DNAH7: variants seen among roughly 807,000 people sequenced by gnomAD.
DNAH7 encodes the protein axonemal beta dynein heavy chain 7.
In DNAH7, 397 loss-of-function variants were observed where a neutral mutation model predicts 444.6. That is an observed-to-expected ratio of 0.89 (90% CI 0.82 to 0.97). DNAH7 has a LOEUF of 0.97. Ranked by LOEUF, DNAH7 falls within the 50% of genes least tolerant of loss-of-function variation. DNAH7 has a pLI of 0.00. For synonymous variants in DNAH7, 1,636 were observed against 1,624.4 expected (o/e 1.01, Z -0.17); for missense variants, 4,902 against 4,800.8 (o/e 1.02, Z -0.62).
At chr2:195,947,222 C>T (rs2125460049) in intron 19 of DNAH7, among the ~76,000 whole-genome samples, 1 of 151,128 alleles carries the variant, frequency 6.6e-6, no homozygotes, top group Admixed American at 6.6e-5. Flanking sequence ...GTCTCGAACT[C>T]CTGACCTCAG....
At chr2:195,996,129 C>A (rs1693679395) in intron 12 of DNAH7, among the ~76,000 whole-genome samples, 1 of 151,918 alleles carries the variant, frequency 6.6e-6, no homozygotes, top group Non-Finnish European at 1.5e-5. Flanking sequence ...AATGTCATAT[C>A]ATCATAATCT....
intron 58 of DNAH7, among the ~76,000 whole-genome samples, chr2:195,779,122 C>T (rs1326125814): frequency 6.6e-6 from 1 of 152,174 alleles, no homozygotes; most frequent in Admixed American, 6.5e-5. Context: ...GGATTACAGG[C>T]GTGACGTACC....
chr2:195,864,590 G>T lies in DNAH7; in HGVS notation c.7065C>A (p.Ala2355=). ...SGRQSVTRLA[A]HMADYSVFQV... is the part of the protein sequence containing the mutation. ...GGAAAACTGAATAATCAGCCATGTG[G>T]GCAGCTAATCTGGTGACAGACTGCC... The change falls in exon 41 of 65, where the codon GCC becomes GCA. Residue 2355 remains alanine (A), a synonymous_variant. Coordinates refer to ENST00000312428, the MANE Select transcript of DNAH7 (RefSeq NM_018897.3). 6.2e-7 allele frequency: 1 copy of T among 1,614,082 alleles called. No individual in the cohort carries two copies. Among genetic ancestry groups the T allele is most frequent in the East Asian group, 2.2e-5 (1 of 44,882 alleles).
In DNAH7 at chr2:195,870,096, G is replaced by T. The variant is rs138454803; in HGVS notation, c.6633+2154C>A. Among the ~76,000 whole-genome samples the T allele has an allele frequency of 7.9e-3, 1,202 of 152,326 alleles. 18 individuals carry two copies. The highest frequency in any genetic ancestry group is 0.027 in the African/African-American group (1,118 of 41,580). On this transcript the variant is annotated intron_variant, in intron 40 of 64. Coordinates refer to ENST00000312428, the MANE Select transcript of DNAH7 (RefSeq NM_018897.3). ...TCTCAAGTGACAGAACATGTCATGT[G>T]TAGCAAGCCTGCCTGCCTTCCTCTC... is the stretch of plus-strand genomic sequence containing the variant.
intron 33 of DNAH7, 43 bp from the exon 34 acceptor site, chr2:195,886,315 G>T (rs1465761221): frequency 6.4e-7 from 1 of 1,563,260 alleles, no homozygotes; most frequent in African/African-American, 1.4e-5. Context: ...TTTAAATTAG[G>T]TAATAGCTAA....
chr2:195,874,161 C>T (rs1700887397), intron 38 of DNAH7, among the ~76,000 whole-genome samples: 1 of 152,158 alleles, frequency 6.6e-6, no homozygotes, highest in African/African-American at 2.4e-5. Context: ...AATTCTTCCC[C>T]CACATCTTGA....
At chr2:195,828,394 C>T (rs1439006431) in intron 48 of DNAH7, among the ~76,000 whole-genome samples, 1 of 151,902 alleles carries the variant, frequency 6.6e-6, no homozygotes, top group Non-Finnish European at 1.5e-5. Flanking sequence ...ACCATCCTGG[C>T]TAACACAGTG....
At chr2:196,035,181 CA>C (rs899973130) in intron 5 of DNAH7, among the ~76,000 whole-genome samples, 34 of 149,494 alleles carry the variant, frequency 2.3e-4, no homozygotes, top group Non-Finnish European at 3.6e-4. Context: ...GACTCCATCT[CA>C]AAAAAAAACC....
At chr2:196,048,548 T>A in intron 3 of DNAH7, 144 bp from the exon 4 acceptor site, 1 of 674,956 alleles carries the variant, frequency 1.5e-6, no homozygotes. Flanking sequence ...GTAGATCTTA[T>A]TCAAGCCTGT....
At position 196,001,860 on chromosome 2, in the gene DNAH7, T is replaced by C; in HGVS notation, c.990-2A>G. ...ATATTCTGCACTTCTGGAAACCACC[T>C]TGAAAGAACAAAAGACTTTTAAAAG... is the stretch of plus-strand genomic sequence containing the variant. On this transcript the variant is annotated splice_acceptor_variant, in intron 10 of 64. Coordinates refer to ENST00000312428, the MANE Select transcript of DNAH7 (RefSeq NM_018897.3). LOFTEE classifies it high-confidence loss of function. 1 of 1,596,710 alleles carries C rather than the reference T, an allele frequency of 6.3e-7. No individual in the cohort carries two copies. The highest frequency in any genetic ancestry group is 8.5e-7 in the Non-Finnish European group (1 of 1,173,502).
intron 17 of DNAH7, among the ~76,000 whole-genome samples, chr2:195,966,445 G>A (rs1352614844): frequency 6.6e-6 from 1 of 152,110 alleles, no homozygotes; most frequent in Non-Finnish European, 1.5e-5. Context: ...GAAATGTTCT[G>A]TAAATATTTA....
At chr2:195,933,720 A>AG (rs1313677272) in intron 21 of DNAH7, among the ~76,000 whole-genome samples, 1 of 123,246 alleles carries the variant, frequency 8.1e-6, no homozygotes, top group Non-Finnish European at 1.6e-5. Flanking sequence ...GGACACAGGA[A>AG]GGGGAACATC....
intron 1 of DNAH7, among the ~76,000 whole-genome samples, chr2:196,064,573 T>C (rs1033917687): frequency 1.3e-5 from 2 of 152,200 alleles, no homozygotes; most frequent in South Asian, 2.1e-4. Context: ...TTTGCCATCC[T>C]GGAATTTTGT....
chr2:195,827,928 G>A (rs1053301207), intron 48 of DNAH7, among the ~76,000 whole-genome samples: 7 of 151,984 alleles, frequency 4.6e-5, no homozygotes, highest in Admixed American at 2.0e-4. Context: ...TTAACTTTTT[G>A]TTGTAGAAAT....
intron 45 of DNAH7, 115 bp downstream of exon 45, chr2:195,855,693 AGTT>A: frequency 1.8e-6 from 2 of 1,095,652 alleles, no homozygotes; most frequent in Non-Finnish European, 2.6e-6. Context: ...TGCGGGTCAT[AGTT>A]TGCCAATCCC....
intron 63 of DNAH7, among the ~76,000 whole-genome samples, chr2:195,743,438 T>A (rs779351247): frequency 6.6e-6 from 1 of 151,328 alleles, no homozygotes; most frequent in African/African-American, 2.4e-5. Context: ...TCAGCAGCAC[T>A]GTAGCCTTTA....
At chr2:195,834,756 A>G (rs1290892048) in intron 47 of DNAH7, among the ~76,000 whole-genome samples, 2 of 152,222 alleles carry the variant, frequency 1.3e-5, no homozygotes, top group Non-Finnish European at 2.9e-5. Flanking sequence ...ACCTTGAGTA[A>G]GTCACTTTGC....
In DNAH7 at chr2:196,048,343, T is replaced by A; in HGVS notation, c.203A>T (p.Asp68Val). 1 of 1,614,086 alleles carries A rather than the reference T, an allele frequency of 6.2e-7. No individual in the cohort carries two copies. Residue 68 changes from aspartate to valine, a missense_variant, in exon 4 of 65, where the codon GAT becomes GTT. By Grantham distance (152) the Asp-to-Val change is radical. Transcript: ENST00000312428. ...APSFHLSVKQ[D>V]DESPEPFSVK... is the part of the protein sequence containing the mutation. ...ACTAAATGGTTCTGGACTCTCATCA[T>A]CCTGCTTTACACTCAAATGGAATGA...
In DNAH7 at chr2:195,824,422, C is replaced by G; in HGVS notation, c.9124G>C (p.Glu3042Gln). 1.2e-6 allele frequency: 2 copies of G among 1,605,322 alleles called. No individual in the cohort carries two copies. The highest frequency in any genetic ancestry group is 1.7e-6 in the Non-Finnish European group (2 of 1,176,424). Residue 3042 changes from glutamate to glutamine, a missense_variant, in exon 49 of 65, where the codon GAA becomes CAA. Transcript: ENST00000312428. Reference protein sequence around the residue: ...TPVLLENVGEELDPILEPLLL... With the variant: ...TPVLLENVGEQLDPILEPLLL... ...AGAGGTTCCAAAATAGGATCTAGTT[C>G]TTCGCCAACATTTTCTAGCAACACT... is the stretch of plus-strand genomic sequence containing the variant.
Sources: allele counts gnomAD v4.1 joint callset (sites outside exome capture counted in the v4.1 genomes callset), GRCh38; gene constraint gnomAD v4.1.1; transcripts MANE v1.5; gene names NCBI Gene and HGNC (gene_info 2026-07-23, HGNC 2026-07-21).